REPS1: variants seen among roughly 807,000 people sequenced by gnomAD.
The protein encoded by REPS1 is ralBP1-associated Eps domain-containing protein 1.
In REPS1, 39 loss-of-function variants were observed where a neutral mutation model predicts 100.9. The observed-to-expected ratio is 0.39, with a 90% CI of 0.30 to 0.50. REPS1 has a LOEUF of 0.50. Among genes scored for constraint, REPS1 ranks in the 20% least tolerant of loss-of-function variants. The probability of loss-of-function intolerance (pLI) is 0.86; values close to 1 mark genes in which losing one functional copy is unlikely to be tolerated. For synonymous variants in REPS1, 324 were observed against 340.3 expected, an observed-to-expected ratio of 0.95 and a Z score of 0.53; for missense variants, 821 against 968.5, an observed-to-expected ratio of 0.85 and a Z score of 2.02.
intron 1 of REPS1, among the ~76,000 whole-genome samples, chr6:138,958,770 CA>C (rs1783558953): frequency 6.6e-6 from 1 of 152,074 alleles, no homozygotes; most frequent in Admixed American, 6.5e-5. Context: ...TTCTTGTTGC[CA>C]AACTATCGTT....
At chr6:138,970,040 C>T (rs988786382) in intron 1 of REPS1, among the ~76,000 whole-genome samples, 2 of 151,728 alleles carry the variant, frequency 1.3e-5, no homozygotes, top group African/African-American at 4.8e-5. Context: ...GCTCTAAATG[C>T]CACACTAATT....
chr6:138,957,048 A>T lies in REPS1; in HGVS notation c.154-9135T>A, dbSNP rs992037138. Among the ~76,000 whole-genome samples, 35 of 152,240 alleles carry T rather than the reference A, an allele frequency of 2.3e-4. No individual in the cohort carries two copies. In the East Asian group the frequency reaches 3.3e-3, roughly 14 times the overall value. On this transcript the variant is annotated intron_variant, in intron 1 of 19. Coordinates refer to ENST00000450536, the MANE Select transcript of REPS1 (RefSeq NM_001286611.2). ...ATAAATTAGAAAAATACAAAAAAAA[A>T]AGAATTCATCTAGAAGGACCAAATT...
At chr6:138,910,189 TGG>T in intron 17 of REPS1, among the ~76,000 whole-genome samples, 1 of 152,134 alleles carries the variant, frequency 6.6e-6, no homozygotes, top group African/African-American at 2.4e-5. Flanking sequence ...ACATGAGAGC[TGG>T]CTGTTTAAAG....
At chr6:138,922,894 A>G (rs1582737238) in intron 10 of REPS1, among the ~76,000 whole-genome samples, 2 of 152,226 alleles carry the variant, frequency 1.3e-5, no homozygotes, top group South Asian at 4.1e-4. Context: ...GTTCCAGCAT[A>G]CCCTCTCTTA....
At chr6:138,986,190 T>C (rs1785248820) in intron 1 of REPS1, among the ~76,000 whole-genome samples, 1 of 152,204 alleles carries the variant, frequency 6.6e-6, no homozygotes, top group South Asian at 2.1e-4. Context: ...ACAGAGAGCA[T>C]ATGTGGCCAG....
intron 1 of REPS1, among the ~76,000 whole-genome samples, chr6:138,984,048 C>T (rs1785104831): frequency 6.6e-6 from 1 of 151,362 alleles, no homozygotes; most frequent in Non-Finnish European, 1.5e-5. Flanking sequence ...TCACGTTTAC[C>T]TTCATAATCT....
Position 138,941,213 on chromosome 6 carries a change from T to C in REPS1, c.1135+122A>G, listed in dbSNP as rs975951566. The C allele has an allele frequency of 1.7e-5, 18 of 1,039,660 alleles. No homozygotes were observed. In the African/African-American group the frequency reaches 2.7e-4, roughly 16 times the overall value. The allele number at this position is 1,039,660 out of a possible 1,614,324, so 64.4% of individuals were successfully genotyped here. On this transcript the variant is annotated intron_variant, in intron 8 of 19. Transcript: ENST00000450536. Reference sequence around the variant, plus strand: ...ATCCTATTCTGATGACAAATCTATGTACACTTGATGAAATATCTAAGCTAT... The same window carrying C: ...ATCCTATTCTGATGACAAATCTATGCACACTTGATGAAATATCTAAGCTAT...
In REPS1 at chr6:138,912,774, T is replaced by C. The variant is rs1483716203; in HGVS notation, c.1962A>G (p.Glu654=). 30 of 1,614,178 alleles carry C rather than the reference T, an allele frequency of 1.9e-5. No individual in the cohort carries two copies. Among genetic ancestry groups the C allele is most frequent in the Non-Finnish European group, 2.0e-5 (24 of 1,180,014 alleles). Residue 654 remains glutamate (E), a synonymous_variant, in exon 16 of 20, where the codon GAA becomes GAG. Transcript: ENST00000450536. ...EQDDEAEKHP[E]VLPAEKASDP... Reference sequence around the variant, plus strand: ...GCCCTCGAAAACTGACCGGCAGGACTTCTGGATGTTTCTCGGCTTCATCAT... The same window carrying C: ...GCCCTCGAAAACTGACCGGCAGGACCTCTGGATGTTTCTCGGCTTCATCAT...
rs1782392385 is a variant in REPS1, at chr6:138,943,398, C to T, written c.980+115G>A. 6 of 594,484 alleles carry T rather than the reference C, an allele frequency of 1.0e-5. No homozygotes were observed. The South Asian group carries it at 1.6e-4, about 16-fold the overall frequency. The allele number at this position is 594,484 out of a possible 1,614,324, so 36.8% of individuals were successfully genotyped here. On this transcript the variant is annotated intron_variant, in intron 7 of 19. Transcript: ENST00000450536. ...GGCTATTGTAAGGCAATACTGAGTT[C>T]TTTGACAGCATTCTTGAAGGGGTTA...
chr6:138,919,031 A>G (rs1319105559), intron 12 of REPS1, among the ~76,000 whole-genome samples: 1 of 152,192 alleles, frequency 6.6e-6, no homozygotes, highest in Non-Finnish European at 1.5e-5. Context: ...TAAAATGAAC[A>G]TATTTCCATC....
intron 1 of REPS1, among the ~76,000 whole-genome samples, chr6:138,980,322 C>T (rs999359873): frequency 3.3e-5 from 5 of 152,134 alleles, no homozygotes; most frequent in South Asian, 4.1e-4. Context: ...TCAGCATGAT[C>T]TTTTAAAATA....
intron 17 of REPS1, among the ~76,000 whole-genome samples, chr6:138,910,062 T>A (rs1438761499): frequency 6.6e-6 from 1 of 152,150 alleles, no homozygotes; most frequent in African/African-American, 2.4e-5. Flanking sequence ...TGGTGAAATG[T>A]GACCTCTAAT....
In REPS1 at chr6:138,980,691, G is replaced by A. The variant is rs1409292802; in HGVS notation, c.153+6839C>T. ...TTTTTTTTTGTGGGTGGGGCGGGGG[G>A]GGGGGGGAACGGAGACTTGCTCTGT... is the stretch of plus-strand genomic sequence containing the variant. On this transcript the variant is annotated intron_variant, in intron 1 of 19. Transcript: ENST00000450536. 1.5e-5 allele frequency among the ~76,000 whole-genome samples: 2 copies of A among 137,572 alleles called. 1 individual carries two copies. The highest frequency in any genetic ancestry group is 5.3e-5 in the African/African-American group (2 of 37,628). 90.3% of individuals were successfully genotyped at this position (137,572 alleles called of 152,430 possible).
chr6:138,953,740 G>A (rs974043528), intron 1 of REPS1, among the ~76,000 whole-genome samples: 1 of 151,198 alleles, frequency 6.6e-6, no homozygotes, highest in Non-Finnish European at 1.5e-5. Flanking sequence ...ATATACTTTT[G>A]GTGGGAATGC....
Position 138,912,894 on chromosome 6 carries a change from A to C in REPS1, c.1842T>G (p.Thr614=), listed in dbSNP as rs771524602. 1 of 1,614,108 alleles carries C rather than the reference A, an allele frequency of 6.2e-7. No homozygotes were observed. The change falls in exon 16 of 20, where the codon ACT becomes ACG. Residue 614 remains threonine, a synonymous_variant. Transcript: ENST00000450536. ...CTGGTATCTGCTGAGGTGAGGTACT[A>C]GTGTGAGTTATGAGGCCATCGGCAT... ...PVDADGLITH[T]STSPQQIPEQ...
rs1779556712 is a variant in REPS1, at chr6:138,905,272, C to T, written c.2323-140G>A. On this transcript the variant is annotated intron_variant, in intron 19 of 19. Coordinates refer to ENST00000450536, the MANE Select transcript of REPS1 (RefSeq NM_001286611.2). Reference sequence around the variant, plus strand: ...AGCTTATTCATATTTTAAAAGTATACTTCACTTTAGAAATGTAGTTTCTTT... The same window carrying T: ...AGCTTATTCATATTTTAAAAGTATATTTCACTTTAGAAATGTAGTTTCTTT... The T allele has an allele frequency of 5.0e-6, 3 of 596,852 alleles. No individual in the cohort carries two copies. The African/African-American group carries it at 5.6e-5, about 11-fold the overall frequency. The allele number at this position is 596,852 out of a possible 1,614,324, so 37.0% of individuals were successfully genotyped here.
intron 8 of REPS1, among the ~76,000 whole-genome samples, chr6:138,931,678 C>T (rs1781493436): frequency 6.6e-6 from 1 of 151,912 alleles, no homozygotes; most frequent in Admixed American, 6.6e-5. Flanking sequence ...CTATGAAGAC[C>T]TCAACTCAAA....
At chr6:138,986,035 T>C (rs1785240962) in intron 1 of REPS1, among the ~76,000 whole-genome samples, 1 of 152,204 alleles carries the variant, frequency 6.6e-6, no homozygotes, top group African/African-American at 2.4e-5. Flanking sequence ...CTCTAAGTCC[T>C]ACTCCAAAGC....
Position 138,921,018 on chromosome 6 carries a change from C to T in REPS1, c.1426+19G>A. 2.5e-6 allele frequency: 4 copies of T among 1,577,974 alleles called. No individual in the cohort carries two copies. The highest frequency in any genetic ancestry group is 3.5e-6 in the Non-Finnish European group (4 of 1,149,580). ...GTTTGATGTAAAACTAAAATACAAA[C>T]CAGCAACAGCTTCCTTACCGCTGCC... On this transcript the variant is annotated intron_variant, in intron 11 of 19. Coordinates refer to ENST00000450536, the MANE Select transcript of REPS1 (RefSeq NM_001286611.2).
Sources: allele counts gnomAD v4.1 joint callset (sites outside exome capture counted in the v4.1 genomes callset), GRCh38; gene constraint gnomAD v4.1.1; transcripts MANE v1.5; gene names NCBI Gene and HGNC (gene_info 2026-07-23, HGNC 2026-07-21).